CSMD3: variants seen among roughly 807,000 people sequenced by gnomAD.
CSMD3 encodes CUB and sushi domain-containing protein 3.
A neutral mutation model predicts 435.2 loss-of-function variants in CSMD3; 177 were observed. The observed-to-expected ratio is 0.41, with a 90% CI of 0.36 to 0.46. The LOEUF is 0.46. Ranked by LOEUF, CSMD3 falls within the 20% of genes least tolerant of loss-of-function variation. The pLI, the probability that CSMD3 is intolerant of heterozygous loss-of-function variation, is 0.34. For missense variants in CSMD3, 4,265 were observed against 4,504.6 expected, an observed-to-expected ratio of 0.95 and a Z score of 1.52; for synonymous variants, 1,656 against 1,520.5, an observed-to-expected ratio of 1.09 and a Z score of -2.07.
intron 38 of CSMD3, among the ~76,000 whole-genome samples, chr8:112,377,674 A>G (rs1214940733): frequency 6.6e-6 from 1 of 152,098 alleles, no homozygotes; most frequent in Non-Finnish European, 1.5e-5. Context: ...TATTCCTGGG[A>G]TGCAACAATG....
intron 5 of CSMD3, among the ~76,000 whole-genome samples, chr8:113,046,683 G>T: frequency 6.6e-6 from 1 of 152,310 alleles, no homozygotes; most frequent in South Asian, 2.1e-4. Flanking sequence ...GCGTCAAAGA[G>T]CTCTCCACAG....
At chr8:112,770,352 C>G (rs866820776) in intron 13 of CSMD3, among the ~76,000 whole-genome samples, 1 of 152,006 alleles carries the variant, frequency 6.6e-6, no homozygotes, top group Non-Finnish European at 1.5e-5. Context: ...ATATGAGGAA[C>G]AGCATTCCTC....
chr8:112,938,048 A>T (rs916338598), intron 9 of CSMD3, among the ~76,000 whole-genome samples: 7 of 152,290 alleles, frequency 4.6e-5, no homozygotes, highest in Admixed American at 4.6e-4. Context: ...CCAGGGGGGA[A>T]AAGCACTCAG....
intron 6 of CSMD3, among the ~76,000 whole-genome samples, chr8:112,999,077 T>C (rs1587854937): frequency 6.6e-6 from 1 of 152,092 alleles, no homozygotes; most frequent in East Asian, 1.9e-4. Context: ...GACAAAATAT[T>C]TGAGAATTCT....
At chr8:113,422,725 T>G (rs2094614482) in intron 1 of CSMD3, among the ~76,000 whole-genome samples, 1 of 152,122 alleles carries the variant, frequency 6.6e-6, no homozygotes. Context: ...AGTGACAGTG[T>G]GACCCACAGA....
rs189045000 is a variant in CSMD3, at chr8:112,696,615, A to G, written c.1973-6565T>C. Among the ~76,000 whole-genome samples, 17 of 152,350 alleles carry G rather than the reference A, an allele frequency of 1.1e-4. No individual in the cohort carries two copies. The East Asian group carries it at 2.9e-3, about 26-fold the overall frequency. On this transcript the variant is annotated intron_variant, in intron 13 of 70. Transcript: ENST00000297405. ...ACTTAAATGTTAGACCTAAAAACAT[A>G]AAAACCCAAGAAGAAAACCTAGGCA...
At chr8:112,630,514 A>G (rs2074484984) in intron 22 of CSMD3, among the ~76,000 whole-genome samples, 1 of 152,102 alleles carries the variant, frequency 6.6e-6, no homozygotes, top group African/African-American at 2.4e-5. Context: ...CACAGGGTTC[A>G]ACACAATGCC....
intron 12 of CSMD3, among the ~76,000 whole-genome samples, chr8:112,818,898 T>C (rs2079452206): frequency 6.6e-6 from 1 of 152,000 alleles, no homozygotes; most frequent in South Asian, 2.1e-4. Context: ...ATAATGAAAA[T>C]TAATGAGCTT....
At chr8:112,683,721 C>T (rs2131794253) in intron 15 of CSMD3, among the ~76,000 whole-genome samples, 1 of 151,898 alleles carries the variant, frequency 6.6e-6, no homozygotes, top group East Asian at 1.9e-4. Flanking sequence ...ATGCTTATAA[C>T]TTATTATTAT....
intron 59 of CSMD3, among the ~76,000 whole-genome samples, chr8:112,270,343 A>AGTGT (rs10577337): frequency 0.012 from 1,455 of 124,276 alleles, 16 homozygotes; most frequent in African/African-American, 0.023. Flanking sequence ...CAGAGGGGTG[A>AGTGT]GTGTGTGTGT....
chr8:113,337,594 A>G (rs977955966), intron 1 of CSMD3, among the ~76,000 whole-genome samples: 11 of 152,106 alleles, frequency 7.2e-5, no homozygotes, highest in African/African-American at 2.7e-4. Flanking sequence ...TAGATCTGAC[A>G]CTGAAAGCAC....
At chr8:112,262,016 T>C (rs79571363) in intron 61 of CSMD3, among the ~76,000 whole-genome samples, 3 of 152,098 alleles carry the variant, frequency 2.0e-5, no homozygotes, top group Non-Finnish European at 4.4e-5. Context: ...ATTTTCATAT[T>C]TTAACATAGC....
intron 13 of CSMD3, among the ~76,000 whole-genome samples, chr8:112,711,500 A>C (rs2076608832): frequency 6.6e-6 from 1 of 152,314 alleles, no homozygotes; most frequent in Admixed American, 6.5e-5. Flanking sequence ...CCAGCAAAAT[A>C]ACTGGCATCT....
intron 3 of CSMD3, among the ~76,000 whole-genome samples, chr8:113,194,502 G>A (rs1030978668): frequency 2.0e-5 from 3 of 151,254 alleles, no homozygotes; most frequent in African/African-American, 7.3e-5. Context: ...TCAAAAGCTG[G>A]AGAATGTATG....
chr8:112,510,764 T>A (rs1194115857), intron 28 of CSMD3, among the ~76,000 whole-genome samples: 1 of 152,214 alleles, frequency 6.6e-6, no homozygotes. Context: ...AATATTCCAT[T>A]CAGGTGTCAG....
chr8:113,361,369 G>A (rs2094274974), intron 1 of CSMD3, among the ~76,000 whole-genome samples: 1 of 152,046 alleles, frequency 6.6e-6, no homozygotes, highest in African/African-American at 2.4e-5. Context: ...TATGAAAGCA[G>A]TAAAATTATT....
chr8:112,448,020 T>A (rs1036929264), intron 32 of CSMD3, among the ~76,000 whole-genome samples: 10 of 152,100 alleles, frequency 6.6e-5, no homozygotes, highest in Admixed American at 2.6e-4. Context: ...TAGACCAGGC[T>A]GTGTATTAGT....
chr8:112,771,447 A>AT (rs1295199097), intron 13 of CSMD3, among the ~76,000 whole-genome samples: 1 of 151,938 alleles, frequency 6.6e-6, no homozygotes, highest in Non-Finnish European at 1.5e-5. Flanking sequence ...GCTGAGGCAC[A>AT]TAAATCACTT....
At position 112,318,698 on chromosome 8, in the gene CSMD3, CAT is replaced by C. The variant is rs377677323; in HGVS notation, c.7360+137_7360+138del. ...TGGACTATTTCTAAATGAAATAGCA[CAT>C]ATGAGTTATAAAATGTATAGCATTG... is the stretch of plus-strand genomic sequence containing the variant. On this transcript the variant is annotated intron_variant, in intron 47 of 70. Coordinates refer to ENST00000297405, the MANE Select transcript of CSMD3 (RefSeq NM_198123.2). 119 of 645,982 alleles carry C rather than the reference CAT, an allele frequency of 1.8e-4. No individual in the cohort carries two copies. The African/African-American group carries it at 2.0e-3, about 11-fold the overall frequency. The allele number at this position is 645,982 out of a possible 1,614,324, so 40.0% of individuals were successfully genotyped here.
Sources: allele counts gnomAD v4.1 joint callset (sites outside exome capture counted in the v4.1 genomes callset), GRCh38; gene constraint gnomAD v4.1.1; transcripts MANE v1.5; gene names NCBI Gene and HGNC (gene_info 2026-07-23, HGNC 2026-07-21).